Variants in ZC3H7A observed in about 807,000 individuals in gnomAD.
ZC3H7A encodes zinc finger CCCH domain-containing protein 7A.
A neutral mutation model predicts 125.5 loss-of-function variants in ZC3H7A; 44 were observed. The ratio of observed to expected loss-of-function variants is 0.35; its 90% confidence interval spans 0.28 to 0.45. The LOEUF is 0.45. Among genes scored for constraint, ZC3H7A ranks in the 20% least tolerant of loss-of-function variants. The pLI is 1.00. For synonymous variants in ZC3H7A, 399 were observed against 391.2 expected (o/e 1.02, Z -0.23); for missense variants, 977 against 1,170.7 (o/e 0.83, Z 2.41).
chr16:11,767,598 G>T lies in ZC3H7A; in HGVS notation c.1361-20C>A. 1 of 1,537,124 alleles carries T rather than the reference G, an allele frequency of 6.5e-7. No individual in the cohort carries two copies. The highest frequency in any genetic ancestry group is 1.3e-5 in the South Asian group (1 of 78,898). On this transcript the variant is annotated intron_variant, in intron 12 of 22. Transcript: ENST00000355758. ...TAGGGCCTGAAAAAGATGTAAAGAG[G>T]ATTGCTTATATGCACAAAAAATATC... is the stretch of plus-strand genomic sequence containing the variant.
At chr16:11,760,759 T>C (rs995306655) in intron 19 of ZC3H7A, among the ~76,000 whole-genome samples, 2 of 152,200 alleles carry the variant, frequency 1.3e-5, no homozygotes, top group Admixed American at 6.5e-5. Flanking sequence ...AAGAGGAAAG[T>C]CCAGGACAAC....
chr16:11,774,253 T>C lies in ZC3H7A; in HGVS notation c.886A>G (p.Thr296Ala), dbSNP rs1214121905. 1 of 1,590,862 alleles carries C rather than the reference T, an allele frequency of 6.3e-7. No homozygotes were observed. The highest frequency in any genetic ancestry group is 1.1e-5 in the South Asian group (1 of 87,768). The change falls in exon 9 of 23, where the codon ACT becomes GCT. Residue 296 changes from threonine to alanine, a missense_variant. By Grantham distance (58) the Thr-to-Ala change is moderately conservative. Coordinates refer to ENST00000355758, the MANE Select transcript of ZC3H7A (RefSeq NM_014153.4). ...LDDLLDSAPE[T>A]NETVMPSALV... Reference sequence around the variant, plus strand: ...AAACTTACCATAACAGTTTCATTAGTTTCAGGTGCAGAATCAAGCAGGTCA... The same window carrying C: ...AAACTTACCATAACAGTTTCATTAGCTTCAGGTGCAGAATCAAGCAGGTCA...
intron 10 of ZC3H7A, 26 bp downstream of exon 10, chr16:11,770,757 G>C (rs796376529): frequency 6.3e-7 from 1 of 1,582,984 alleles, no homozygotes; most frequent in African/African-American, 1.4e-5. Flanking sequence ...AACTGCAATT[G>C]TTTACAATTT....
chr16:11,773,836 C>T (rs1034196606), intron 9 of ZC3H7A, among the ~76,000 whole-genome samples: 5 of 149,290 alleles, frequency 3.3e-5, no homozygotes, highest in Admixed American at 6.6e-5. Context: ...TGAGCCAAGA[C>T]TGCGCCACTG....
chr16:11,786,664 C>T (rs1038044123), intron 1 of ZC3H7A, among the ~76,000 whole-genome samples: 1 of 152,122 alleles, frequency 6.6e-6, no homozygotes, highest in Non-Finnish European at 1.5e-5. Context: ...TCTAGGATCA[C>T]AATATCAGGC....
intron 9 of ZC3H7A, among the ~76,000 whole-genome samples, chr16:11,771,509 T>G (rs1160215333): frequency 6.7e-6 from 1 of 149,272 alleles, no homozygotes; most frequent in Non-Finnish European, 1.5e-5. Flanking sequence ...ATGTCTAACT[T>G]TTTTTTTTTG....
At chr16:11,759,740 A>ACAC (rs2052710038) in intron 19 of ZC3H7A, 1 of 152,304 alleles carries the variant, frequency 6.6e-6, no homozygotes, top group Non-Finnish European at 1.5e-5. Context: ...CTTCTGGCAG[A>ACAC]CTTTGAAGCC....
intron 10 of ZC3H7A, among the ~76,000 whole-genome samples, chr16:11,770,403 G>C (rs1270840709): frequency 3.9e-5 from 6 of 152,106 alleles, no homozygotes; most frequent in African/African-American, 1.4e-4. Context: ...TCTAAATACT[G>C]ATCTTAAATT....
In ZC3H7A at chr16:11,769,014, G is replaced by A; in HGVS notation, c.1173+17C>T. 1 of 1,594,096 alleles carries A rather than the reference G, an allele frequency of 6.3e-7. No homozygotes were observed. Among genetic ancestry groups the A allele is most frequent in the Non-Finnish European group, 8.5e-7 (1 of 1,172,902 alleles). On this transcript the variant is annotated intron_variant, in intron 11 of 22. Coordinates refer to ENST00000355758, the MANE Select transcript of ZC3H7A (RefSeq NM_014153.4). Reference sequence around the variant, plus strand: ...CAATTCAAGCGATGTATTTACAAAAGAGGAAGTGGCACTTACAAGTAAAAG... The same window carrying A: ...CAATTCAAGCGATGTATTTACAAAAAAGGAAGTGGCACTTACAAGTAAAAG...
intron 11 of ZC3H7A, 52 bp downstream of exon 11, chr16:11,768,979 T>C: frequency 6.5e-7 from 1 of 1,528,490 alleles, no homozygotes; most frequent in Non-Finnish European, 8.9e-7. Flanking sequence ...GTTACTTAAG[T>C]AACTATTTTC....
chr16:11,767,551 T>C lies in ZC3H7A; in HGVS notation c.1388A>G (p.His463Arg), dbSNP rs373584454. The C allele has an allele frequency of 6.3e-6, 10 of 1,597,370 alleles. No individual in the cohort carries two copies. The highest frequency in any genetic ancestry group is 1.7e-4 in the Middle Eastern group (1 of 6,016). Reference protein sequence around the residue: ...SGPKLMDFTYHANIDHKCKKD... With the variant: ...SGPKLMDFTYRANIDHKCKKD... Reference sequence around the variant, plus strand: ...CTTACACTTATGATCTATGTTAGCATGGTAAGTGAAATCCATTAACTTAGG... The same window carrying C: ...CTTACACTTATGATCTATGTTAGCACGGTAAGTGAAATCCATTAACTTAGG... Residue 463 changes from histidine to arginine, a missense_variant, in exon 13 of 23, where the codon CAT becomes CGT. Physicochemically the swap from His to Arg is conservative, Grantham distance 29. Transcript: ENST00000355758.
At chr16:11,793,794 G>A (rs2141225046) in intron 1 of ZC3H7A, among the ~76,000 whole-genome samples, 1 of 152,214 alleles carries the variant, frequency 6.6e-6, no homozygotes, top group Middle Eastern at 3.4e-3. Context: ...AGCTCCTATT[G>A]GATACTTTAT....
intron 15 of ZC3H7A, among the ~76,000 whole-genome samples, chr16:11,764,653 C>A (rs1421720398): frequency 1.3e-5 from 2 of 152,034 alleles, no homozygotes; most frequent in Non-Finnish European, 2.9e-5. Context: ...ATCTGGGAGG[C>A]AGAACTTGCA....
chr16:11,793,071 G>A (rs1567398595), intron 1 of ZC3H7A, among the ~76,000 whole-genome samples: 1 of 151,898 alleles, frequency 6.6e-6, no homozygotes, highest in African/African-American at 2.4e-5. Context: ...TCTTTCAAGG[G>A]GATCTGCTCC....
intron 1 of ZC3H7A, among the ~76,000 whole-genome samples, chr16:11,784,141 G>A (rs944570634): frequency 6.6e-6 from 1 of 152,028 alleles, no homozygotes; most frequent in South Asian, 2.1e-4. Context: ...AGAGTAAAAT[G>A]GCACTATTTC....
intron 9 of ZC3H7A, among the ~76,000 whole-genome samples, chr16:11,771,813 T>C (rs1458349103): frequency 6.6e-6 from 1 of 152,018 alleles, no homozygotes; most frequent in Non-Finnish European, 1.5e-5. Flanking sequence ...ATGTCTAACA[T>C]TATAATCCAA....
At chr16:11,757,433 G>A (rs569637196) in intron 20 of ZC3H7A, among the ~76,000 whole-genome samples, 23 of 135,116 alleles carry the variant, frequency 1.7e-4, no homozygotes, top group Non-Finnish European at 2.4e-4. Flanking sequence ...GCAGTGACCC[G>A]AGATCACGCC....
At chr16:11,759,737 C>A (rs1037792225) in intron 19 of ZC3H7A, 2 of 152,278 alleles carry the variant, frequency 1.3e-5, no homozygotes, top group Non-Finnish European at 2.9e-5. Context: ...GCCCTTCTGG[C>A]AGACTTTGAA....
intron 17 of ZC3H7A, among the ~76,000 whole-genome samples, chr16:11,762,270 T>G (rs1024539210): frequency 3.3e-5 from 5 of 152,162 alleles, no homozygotes; most frequent in African/African-American, 1.2e-4. Context: ...TTTATGAAAC[T>G]CATCTTTGAA....
Sources: allele counts gnomAD v4.1 joint callset (sites outside exome capture counted in the v4.1 genomes callset), GRCh38; gene constraint gnomAD v4.1.1; transcripts MANE v1.5; gene names NCBI Gene and HGNC (gene_info 2026-07-23, HGNC 2026-07-21).